NLGN1: variants seen among roughly 807,000 people sequenced by gnomAD.
NLGN1 encodes the protein neuroligin 1.
In NLGN1, 12 loss-of-function variants were observed where a neutral mutation model predicts 65.5. That is an observed-to-expected ratio of 0.18 (90% confidence interval 0.12 to 0.30). The LOEUF is 0.30. Ranked by LOEUF, NLGN1 falls within the 10% of genes least tolerant of loss-of-function variation. The pLI, the probability that NLGN1 is intolerant of heterozygous loss-of-function variation, is 1.00. For missense variants in NLGN1, 750 were observed against 1,007.1 expected (o/e 0.74, Z 3.46); for synonymous variants, 350 against 359.5 (o/e 0.97, Z 0.30).
intron 4 of NLGN1, among the ~76,000 whole-genome samples, chr3:174,178,586 T>G (rs1220387361): frequency 6.6e-6 from 1 of 152,070 alleles, no homozygotes; most frequent in Non-Finnish European, 1.5e-5. Context: ...TGCAACGACA[T>G]AAAAATTTCC....
chr3:173,747,198 A>T (rs920846490), intron 3 of NLGN1, among the ~76,000 whole-genome samples: 2 of 135,890 alleles, frequency 1.5e-5, no homozygotes, highest in Non-Finnish European at 3.0e-5. Context: ...ATATATATAT[A>T]ATATATATAT....
chr3:173,757,783 A>G (rs1777362899), intron 3 of NLGN1, among the ~76,000 whole-genome samples: 1 of 152,084 alleles, frequency 6.6e-6, no homozygotes. Flanking sequence ...TGGCCAAGTG[A>G]TTATGTAAAT....
intron 4 of NLGN1, among the ~76,000 whole-genome samples, chr3:173,893,320 G>A (rs75857028): frequency 3.3e-5 from 5 of 152,290 alleles, no homozygotes; most frequent in African/African-American, 9.6e-5. Context: ...TTCAGTCACC[G>A]AGGTTTAGAT....
At chr3:174,253,470 C>G (rs1453307567) in intron 4 of NLGN1, among the ~76,000 whole-genome samples, 1 of 152,134 alleles carries the variant, frequency 6.6e-6, no homozygotes, top group African/African-American at 2.4e-5. Context: ...CATTTCACCT[C>G]ATGTATATTA....
At chr3:173,811,223 G>A (rs1349798594) in intron 4 of NLGN1, among the ~76,000 whole-genome samples, 1 of 152,062 alleles carries the variant, frequency 6.6e-6, no homozygotes, top group Non-Finnish European at 1.5e-5. Flanking sequence ...TGTTAGTAGG[G>A]TATTTTTTAA....
At chr3:173,433,714 T>C (rs1717609693) in intron 1 of NLGN1, among the ~76,000 whole-genome samples, 1 of 152,192 alleles carries the variant, frequency 6.6e-6, no homozygotes, top group Admixed American at 6.5e-5. Flanking sequence ...AAGCTCTTGA[T>C]CATTTTGCTC....
chr3:174,052,818 T>C (rs979080837), intron 4 of NLGN1, among the ~76,000 whole-genome samples: 2 of 152,058 alleles, frequency 1.3e-5, no homozygotes, highest in Non-Finnish European at 2.9e-5. Context: ...TCACTATCAG[T>C]AAATTTCCAA....
At chr3:173,958,108 G>A (rs1362225928) in intron 4 of NLGN1, among the ~76,000 whole-genome samples, 13 of 152,092 alleles carry the variant, frequency 8.5e-5, no homozygotes, top group Non-Finnish European at 1.6e-4. Context: ...CCCTGGCTTG[G>A]GGAGCTCCTA....
At chr3:174,080,271 C>A (rs1254130205) in intron 4 of NLGN1, among the ~76,000 whole-genome samples, 2 of 152,132 alleles carry the variant, frequency 1.3e-5, no homozygotes, top group Non-Finnish European at 2.9e-5. Flanking sequence ...TACGGGTCTG[C>A]AACAACCCCA....
intron 2 of NLGN1, among the ~76,000 whole-genome samples, chr3:173,455,504 C>A (rs1398705366): frequency 6.6e-6 from 1 of 151,976 alleles, no homozygotes; most frequent in African/African-American, 2.4e-5. Flanking sequence ...CTAATAGATA[C>A]AATAGTAATC....
At chr3:174,247,642 A>G (rs1744043490) in intron 4 of NLGN1, among the ~76,000 whole-genome samples, 1 of 152,172 alleles carries the variant, frequency 6.6e-6, no homozygotes, top group African/African-American at 2.4e-5. Context: ...TGTCAGCTGG[A>G]CCAACTTGCA....
intron 4 of NLGN1, among the ~76,000 whole-genome samples, chr3:174,224,591 C>T (rs896030721): frequency 1.3e-5 from 2 of 152,064 alleles, no homozygotes; most frequent in African/African-American, 4.8e-5. Context: ...CCCAGCTACT[C>T]GGGAGGCTGA....
intron 3 of NLGN1, among the ~76,000 whole-genome samples, chr3:173,693,160 C>T (rs937459125): frequency 6.6e-5 from 10 of 152,022 alleles, no homozygotes; most frequent in African/African-American, 2.2e-4. Flanking sequence ...TCTGACATCT[C>T]AAAGCAGAAT....
At position 173,770,087 on chromosome 3, in the gene NLGN1, A is replaced by G. The variant is rs376346499; in HGVS notation, c.494-37593A>G. Among the ~76,000 whole-genome samples the G allele has an allele frequency of 1.4e-3, 218 of 152,306 alleles. 4 individuals are homozygous for G. In the South Asian group the frequency reaches 0.043, roughly 30 times the overall value. Reference sequence around the variant, plus strand: ...GAGCTCTGGAAAATGTCCTATCTTAATAAAGATAATTCTCAAGCCATTAGG... The same window carrying G: ...GAGCTCTGGAAAATGTCCTATCTTAGTAAAGATAATTCTCAAGCCATTAGG... On this transcript the variant is annotated intron_variant, in intron 3 of 6. Coordinates refer to ENST00000457714, the Ensembl canonical transcript of NLGN1.
Position 173,541,863 on chromosome 3 carries a change from A to G in NLGN1, c.-320-62416A>G, listed in dbSNP as rs148628760. ...ATTTGTGATGTCACCTTTGAGCTTG[A>G]TGTTAATTTTTACAAGGTGTACGTA... On this transcript the variant is annotated intron_variant, in intron 2 of 6. Transcript: ENST00000457714. 8.8e-4 allele frequency among the ~76,000 whole-genome samples: 134 copies of G among 152,088 alleles called. 1 individual carries two copies. Among genetic ancestry groups the G allele is most frequent in the Non-Finnish European group, 1.5e-3 (100 of 67,932 alleles).
chr3:173,729,678 G>A (rs552888370), intron 3 of NLGN1, among the ~76,000 whole-genome samples: 253 of 151,958 alleles, frequency 1.7e-3, no homozygotes, highest in African/African-American at 5.8e-3. Context: ...TAATTTTTAC[G>A]GAGAAATATT....
the NLGN1 span, among the ~76,000 whole-genome samples, chr3:174,294,054 A>C: frequency 6.6e-6 from 1 of 151,752 alleles, no homozygotes; most frequent in African/African-American, 2.4e-5. Context: ...CAATTTACTA[A>C]TTGATTTAAA....
intron 1 of NLGN1, among the ~76,000 whole-genome samples, chr3:173,421,412 G>T (rs1715022816): frequency 6.6e-6 from 1 of 151,520 alleles, no homozygotes; most frequent in South Asian, 2.1e-4. Flanking sequence ...AATTAACATT[G>T]GTATGTTATC....
chr3:173,915,784 T>C (rs1302877368), intron 4 of NLGN1, among the ~76,000 whole-genome samples: 3 of 152,158 alleles, frequency 2.0e-5, no homozygotes. Context: ...CCTTTTTCTT[T>C]CCAGAAAACC....
Sources: gnomAD v4.1 joint callset for allele counts (sites outside exome capture counted in the v4.1 genomes callset) on GRCh38, gnomAD v4.1.1 for gene constraint, MANE v1.5 for transcripts, NCBI Gene and HGNC (gene_info 2026-07-23, HGNC 2026-07-21) for gene names.